The following PALM2AKAP2 variants were observed in gnomAD, a reference collection of about 807,000 sequenced individuals.
PALM2AKAP2 encodes the protein PALM2 and AKAP2 fusion, also known as PALM2-AKAP2 fusion protein.
In PALM2AKAP2, 37 loss-of-function variants were observed where a neutral mutation model predicts 71.5. The ratio of observed to expected loss-of-function variants is 0.52; its 90% confidence interval spans 0.40 to 0.68. The LOEUF (loss-of-function observed/expected upper bound fraction) is 0.68, where lower values mean the gene tolerates loss of function less well. Ranked by LOEUF, PALM2AKAP2 falls within the 30% of genes least tolerant of loss-of-function variation. PALM2AKAP2 has a pLI of 0.00. For synonymous variants in PALM2AKAP2, 468 were observed against 478.8 expected (o/e 0.98, Z 0.29); for missense variants, 1,224 against 1,191.8 (o/e 1.03, Z -0.40).
chr9:109,831,902 A>T (rs1828312133), intron 1 of PALM2AKAP2, among the ~76,000 whole-genome samples: 6 of 152,328 alleles, frequency 3.9e-5, no homozygotes, highest in Middle Eastern at 3.4e-3. Flanking sequence ...TTGAGCTATC[A>T]GTTAAATTTT....
intron 1 of PALM2AKAP2, among the ~76,000 whole-genome samples, chr9:110,068,334 G>A (rs475530): frequency 0.66 from 97,293 of 148,450 alleles, 32,892 homozygotes; most frequent in African/African-American, 0.72. Context: ...TGAATAGCAT[G>A]AAAATAAGGG....
chr9:110,129,314 C>A (rs1193183449), intron 1 of PALM2AKAP2, among the ~76,000 whole-genome samples: 1 of 152,160 alleles, frequency 6.6e-6, no homozygotes, highest in Non-Finnish European at 1.5e-5. Flanking sequence ...AGCAAAAGAT[C>A]AACCAAAAAG....
chr9:109,892,185 G>C (rs1488490608), intron 3 of PALM2AKAP2, among the ~76,000 whole-genome samples: 2 of 152,196 alleles, frequency 1.3e-5, no homozygotes, highest in Non-Finnish European at 2.9e-5. Flanking sequence ...GCTTTCCCCA[G>C]AGCATCTAGA....
intron 1 of PALM2AKAP2, among the ~76,000 whole-genome samples, chr9:110,052,486 G>T (rs1240183378): frequency 6.6e-6 from 1 of 152,126 alleles, no homozygotes; most frequent in East Asian, 1.9e-4. Flanking sequence ...CATTTTTCAT[G>T]AATATATTAT....
At chr9:109,805,344 T>G (rs773611067) in intron 1 of PALM2AKAP2, among the ~76,000 whole-genome samples, 45 of 152,224 alleles carry the variant, frequency 3.0e-4, no homozygotes, top group Non-Finnish European at 5.1e-4. Context: ...GGTGGGCTGA[T>G]AACTTTCCAG....
intron 1 of PALM2AKAP2, among the ~76,000 whole-genome samples, chr9:110,134,426 A>G (rs1326322333): frequency 6.6e-6 from 1 of 152,236 alleles, no homozygotes; most frequent in African/African-American, 2.4e-5. Flanking sequence ...AAAATCAGAG[A>G]ATGGAAGATG....
chr9:109,797,971 T>G (rs575012616), intron 1 of PALM2AKAP2, among the ~76,000 whole-genome samples: 1 of 152,316 alleles, frequency 6.6e-6, no homozygotes, highest in African/African-American at 2.4e-5. Flanking sequence ...ATTGGGTGGC[T>G]TAAACAACAA....
At chr9:109,778,507 G>A (rs1829380159), upstream of PALM2AKAP2, among the ~76,000 whole-genome samples, 1 of 152,242 alleles carries the variant, frequency 6.6e-6, no homozygotes, top group South Asian at 2.1e-4. Flanking sequence ...CCAGAAAGTA[G>A]AAGTTTCTGA....
intron 1 of PALM2AKAP2, among the ~76,000 whole-genome samples, chr9:110,115,255 C>G (rs1467633682): frequency 6.6e-6 from 1 of 152,202 alleles, no homozygotes; most frequent in Non-Finnish European, 1.5e-5. Flanking sequence ...CATGTGGTCC[C>G]CCTGGTTCTG....
Position 110,168,619 on chromosome 9 carries a change from T to TA in PALM2AKAP2, c.*123dup, listed in dbSNP as rs1257513612. 4 of 1,175,232 alleles carry TA rather than the reference T, an allele frequency of 3.4e-6. No homozygotes were observed. In the East Asian group the frequency reaches 7.9e-5, roughly 23 times the overall value. The allele number at this position is 1,175,232 out of a possible 1,614,324, so 72.8% of individuals were successfully genotyped here. ...GCAAACAAACTCAGCAATCCTTATG[T>TA]AGACCAGAAGCTGCAATATACAATG... On this transcript the variant is annotated 3_prime_UTR_variant, in exon 4 of 4. Coordinates refer to ENST00000374525, the Ensembl canonical transcript of PALM2AKAP2.
At chr9:109,674,813 G>A (rs530036856) in intron 1 of PALM2AKAP2, among the ~76,000 whole-genome samples, 15 of 152,128 alleles carry the variant, frequency 9.9e-5, no homozygotes, top group Admixed American at 2.6e-4. Flanking sequence ...TACCTGAATA[G>A]AGGAGATCCC....
exon 2 of PALM2AKAP2, chr9:110,136,733 G>A (rs1316417988): frequency 9.9e-6 from 16 of 1,614,068 alleles, no homozygotes; most frequent in Non-Finnish European, 1.3e-5. Context: ...TTCCCGAGAT[G>A]GAGAGTTCAC....
At chr9:109,795,211 G>T (rs1827219084) in intron 1 of PALM2AKAP2, among the ~76,000 whole-genome samples, 1 of 152,138 alleles carries the variant, frequency 6.6e-6, no homozygotes, top group Non-Finnish European at 1.5e-5. Context: ...AATCAAGAAG[G>T]TCTCCAGACA....
At chr9:109,833,320 A>C (rs61447981) in intron 1 of PALM2AKAP2, among the ~76,000 whole-genome samples, 24,371 of 152,186 alleles carry the variant, frequency 0.16, 2,663 homozygotes, top group African/African-American at 0.3. Flanking sequence ...ACGCCACTGC[A>C]CTCCAGCCTG....
intron 6 of PALM2AKAP2, among the ~76,000 whole-genome samples, chr9:110,009,485 C>T (rs1008196129): frequency 3.9e-5 from 6 of 151,922 alleles, no homozygotes; most frequent in East Asian, 1.9e-4. Context: ...GAGGCCGAGG[C>T]GGGTGGATCA....
intron 1 of PALM2AKAP2, among the ~76,000 whole-genome samples, chr9:109,811,022 G>A (rs1369521176): frequency 6.6e-6 from 1 of 152,140 alleles, no homozygotes; most frequent in Non-Finnish European, 1.5e-5. Context: ...GAAATTTGAG[G>A]AGAGAAGAGA....
intron 2 of PALM2AKAP2, among the ~76,000 whole-genome samples, chr9:110,143,262 A>G (rs996937692): frequency 4.0e-5 from 6 of 151,728 alleles, no homozygotes; most frequent in Non-Finnish European, 5.9e-5. Flanking sequence ...AAAAAAAAAA[A>G]AAAAGAAAAA....
At chr9:110,034,604 C>CTTTTTTTT (rs57708385) in intron 7 of PALM2AKAP2, among the ~76,000 whole-genome samples, 2 of 118,332 alleles carry the variant, frequency 1.7e-5, no homozygotes, top group Non-Finnish European at 1.7e-5. Context: ...ATATATTCCC[C>CTTTTTTTT]TTTTTTTTTT....
intron 1 of PALM2AKAP2, among the ~76,000 whole-genome samples, chr9:109,830,235 T>C (rs1828260983): frequency 6.6e-6 from 1 of 152,218 alleles, no homozygotes; most frequent in Non-Finnish European, 1.5e-5. Context: ...ATGAGTAATT[T>C]TGATTATAGA....
Sources: gnomAD v4.1 joint callset for allele counts (sites outside exome capture counted in the v4.1 genomes callset) on GRCh38, gnomAD v4.1.1 for gene constraint, MANE v1.5 for transcripts, NCBI Gene and HGNC (gene_info 2026-07-23, HGNC 2026-07-21) for gene names.